Variants in AGBL1 observed in about 807,000 individuals in gnomAD.
AGBL1 encodes the protein AGBL carboxypeptidase 1.
In AGBL1, 130 loss-of-function variants were observed where a neutral mutation model predicts 118.9. That is an observed-to-expected ratio of 1.09 (90% confidence interval 0.95 to 1.26). The LOEUF is 1.26. Ranked by LOEUF, AGBL1 falls within the 50% of genes most tolerant of loss-of-function variation. The pLI is 0.00. For synonymous variants in AGBL1, 555 were observed against 478.9 expected (o/e 1.16, Z -2.08); for missense variants, 1,584 against 1,298.1 (o/e 1.22, Z -3.38).
intron 17 of AGBL1, among the ~76,000 whole-genome samples, chr15:86,349,471 A>G (rs918374430): frequency 6.6e-6 from 1 of 152,146 alleles, no homozygotes; most frequent in Admixed American, 6.5e-5. Context: ...TTCTCACCTG[A>G]TTCCTATACG....
intron 7 of AGBL1, among the ~76,000 whole-genome samples, chr15:86,255,680 G>A (rs1315300312): frequency 1.3e-5 from 2 of 152,138 alleles, no homozygotes; most frequent in East Asian, 3.9e-4. Flanking sequence ...TTCTCAGGAG[G>A]CTGAGGCAGG....
intron 1 of AGBL1, 37 bp from the exon 2 acceptor site, chr15:86,141,967 G>C (rs766148412): frequency 2.1e-5 from 32 of 1,542,114 alleles, no homozygotes; most frequent in Admixed American, 2.0e-5. Context: ...CCTTCCTCTT[G>C]CATTCTTAAA....
chr15:86,908,278 T>C lies in AGBL1; in HGVS notation c.*984T>C, dbSNP rs1230567974. ...CACAAAAGAACATTCTATATAAGAA[T>C]TCTGACAGTTAAGAAAAAATTCTCA... is the stretch of plus-strand genomic sequence containing the variant. On this transcript the variant is annotated 3_prime_UTR_variant, in exon 23 of 23. Transcript: ENST00000614907. 1 of 152,166 alleles carries C rather than the reference T, an allele frequency of 6.6e-6. No homozygotes were observed. The highest frequency in any genetic ancestry group is 1.5e-5 in the Non-Finnish European group (1 of 68,030). The allele number at this position is 152,166 out of a possible 1,614,324, so 9.4% of individuals were successfully genotyped here.
chr15:86,385,669 A>G (rs66976175), intron 17 of AGBL1, among the ~76,000 whole-genome samples: 53,566 of 151,946 alleles, frequency 0.35, 10,362 homozygotes, highest in East Asian at 0.74. Context: ...CACACAGAAG[A>G]TGATATCCAA....
chr15:86,517,340 C>G (rs764023151), intron 18 of AGBL1, among the ~76,000 whole-genome samples: 4 of 152,196 alleles, frequency 2.6e-5, no homozygotes, highest in Non-Finnish European at 5.9e-5. Context: ...AAAATGCAGA[C>G]TCAGGGTTGG....
intron 19 of AGBL1, among the ~76,000 whole-genome samples, chr15:86,524,609 T>C (rs935745387): frequency 6.6e-6 from 1 of 152,122 alleles, no homozygotes. Context: ...CTGTCTCCCA[T>C]CTCTCCAGAG....
intron 18 of AGBL1, among the ~76,000 whole-genome samples, chr15:86,517,301 G>A (rs563447599): frequency 5.9e-5 from 9 of 152,280 alleles, no homozygotes; most frequent in African/African-American, 1.9e-4. Context: ...TCACTTTAAT[G>A]TGCATACACA....
intron 17 of AGBL1, among the ~76,000 whole-genome samples, chr15:86,389,842 G>C (rs1567231857): frequency 6.6e-6 from 1 of 152,044 alleles, no homozygotes; most frequent in East Asian, 1.9e-4. Context: ...CCAAATGAAG[G>C]TCAGATGGGA....
chr15:86,551,425 T>TA (rs1262625532), intron 20 of AGBL1, among the ~76,000 whole-genome samples: 1 of 152,094 alleles, frequency 6.6e-6, no homozygotes, highest in Non-Finnish European at 1.5e-5. Flanking sequence ...TCTTACAAAG[T>TA]AAAAATGAAT....
intron 22 of AGBL1, among the ~76,000 whole-genome samples, chr15:86,863,406 G>A (rs923283907): frequency 1.3e-5 from 2 of 152,146 alleles, no homozygotes; most frequent in African/African-American, 4.8e-5. Context: ...CTGCAACTGT[G>A]ACTCAGGCTC....
rs2080359094 is a variant in AGBL1 at position 86,912,038 on chromosome 15, C to T, written c.*4744C>T. On this transcript the variant is annotated 3_prime_UTR_variant, in exon 23 of 23. Transcript: ENST00000614907. ...GCAGGTGTTCAAAAATGTGTCTTCC[C>T]CTCAGCTTCAAACTCAGACATCCAA... The T allele has an allele frequency of 6.6e-6, 1 of 152,164 alleles. No individual in the cohort carries two copies. The highest frequency in any genetic ancestry group is 2.4e-5 in the African/African-American group (1 of 41,422). 9.4% of individuals were successfully genotyped at this position (152,164 alleles called of 1,614,324 possible). A position where few individuals can be genotyped will look rare whatever the true frequency, so the allele number is the denominator to read the frequency against.
intron 18 of AGBL1, among the ~76,000 whole-genome samples, chr15:86,520,405 A>T (rs952121744): frequency 6.6e-6 from 1 of 152,198 alleles, no homozygotes; most frequent in African/African-American, 2.4e-5. Flanking sequence ...CAAATCCTAT[A>T]TCTGGTAGCA....
intron 5 of AGBL1, among the ~76,000 whole-genome samples, chr15:86,220,860 T>A (rs770217722): frequency 6.6e-5 from 10 of 152,164 alleles, no homozygotes; most frequent in Non-Finnish European, 1.5e-4. Context: ...GGGGATGATG[T>A]TATGAGTTTA....
intron 22 of AGBL1, among the ~76,000 whole-genome samples, chr15:86,701,012 C>T (rs992858230): frequency 6.6e-6 from 1 of 152,060 alleles, no homozygotes; most frequent in African/African-American, 2.4e-5. Context: ...GAGGGTTGCT[C>T]CAGAGCTGTG....
chr15:86,396,198 A>T lies in AGBL1; in HGVS notation c.2375-1168A>T, dbSNP rs1472564150. 2.0e-5 allele frequency among the ~76,000 whole-genome samples: 3 copies of T among 146,620 alleles called. No homozygotes were observed. In the Admixed American group the frequency reaches 2.1e-4, roughly 10 times the overall value. Reference sequence around the variant, plus strand: ...ATTCATATATATGTGTATATATATAAAATCATATACGTGTGTGTGTATATA... The same window carrying T: ...ATTCATATATATGTGTATATATATATAATCATATACGTGTGTGTGTATATA... On this transcript the variant is annotated intron_variant, in intron 17 of 22. Coordinates refer to ENST00000614907, the MANE Select transcript of AGBL1 (RefSeq NM_001386094.1).
intron 16 of AGBL1, among the ~76,000 whole-genome samples, chr15:86,282,958 A>C (rs906878207): frequency 1.3e-5 from 2 of 152,178 alleles, no homozygotes; most frequent in African/African-American, 4.8e-5. Context: ...AAACTCTCAA[A>C]ATTTTTTTAT....
chr15:86,491,388 G>A (rs1301510418), intron 18 of AGBL1, among the ~76,000 whole-genome samples: 2 of 152,254 alleles, frequency 1.3e-5, no homozygotes, highest in Middle Eastern at 3.4e-3. Flanking sequence ...CAGGTCATGA[G>A]AGGCCTTGTA....
rs1210164873 is a variant in AGBL1, at chr15:86,279,634, T to C, written c.2076-5T>C. Reference sequence around the variant, plus strand: ...TTCTCTTCTCTTCTCCTCCTCTCTCTTTAGAAATCATTATCGCCAGAGTAC... The same window carrying C: ...TTCTCTTCTCTTCTCCTCCTCTCTCCTTAGAAATCATTATCGCCAGAGTAC... On this transcript the variant is annotated splice_region_variant and splice_polypyrimidine_tract_variant and intron_variant, in intron 15 of 22. Coordinates refer to ENST00000614907, the MANE Select transcript of AGBL1 (RefSeq NM_001386094.1). The C allele has an allele frequency of 6.2e-7, 1 of 1,612,776 alleles. No homozygotes were observed. The highest frequency in any genetic ancestry group is 8.5e-7 in the Non-Finnish European group (1 of 1,178,962).
chr15:86,513,761 A>G (rs1159303941), intron 18 of AGBL1, among the ~76,000 whole-genome samples: 1 of 152,054 alleles, frequency 6.6e-6, no homozygotes, highest in Non-Finnish European at 1.5e-5. Flanking sequence ...ATTTATTTAA[A>G]TCACTATGAA....
Sources: gnomAD v4.1 joint callset for allele counts (sites outside exome capture counted in the v4.1 genomes callset) on GRCh38, gnomAD v4.1.1 for gene constraint, MANE v1.5 for transcripts, NCBI Gene and HGNC (gene_info 2026-07-23, HGNC 2026-07-21) for gene names.